The following DOP1A variants were observed in gnomAD, a reference collection of about 807,000 sequenced individuals.
The protein encoded by DOP1A is protein DOP1A.
In DOP1A, 90 loss-of-function variants were observed where a neutral mutation model predicts 267.6. The ratio of observed to expected loss-of-function variants is 0.34; its 90% CI spans 0.28 to 0.40. The LOEUF (loss-of-function observed/expected upper bound fraction) is 0.40. Among genes scored for constraint, DOP1A ranks in the 10% least tolerant of loss-of-function variants. The pLI, the probability that DOP1A is intolerant of heterozygous loss-of-function variation, is 1.00. For synonymous variants in DOP1A, 932 were observed against 999.1 expected (o/e 0.93, Z 1.27); for missense variants, 2,437 against 2,900.4 (o/e 0.84, Z 3.67).
intron 3 of DOP1A, among the ~76,000 whole-genome samples, chr6:83,098,551 T>C (rs766374920): frequency 1.3e-5 from 2 of 152,184 alleles, no homozygotes; most frequent in South Asian, 2.1e-4. Flanking sequence ...CACAATCCTT[T>C]CTTTAGCTTT....
Position 83,124,791 on chromosome 6 carries a change from T to G in DOP1A, c.1427T>G (p.Val476Gly). The G allele has an allele frequency of 6.2e-7, 1 of 1,613,148 alleles. No homozygotes were observed. Among genetic ancestry groups the G allele is most frequent in the South Asian group, 1.1e-5 (1 of 90,918 alleles). Residue 476 changes from valine to glycine, a missense_variant, in exon 13 of 39, where the codon GTG becomes GGG. Physicochemically the swap from Val to Gly is moderately radical, Grantham distance 109 (BLOSUM62 -3). Coordinates refer to ENST00000349129, the MANE Select transcript of DOP1A (RefSeq NM_015018.4). ...ELQLTNFCLL[V>G]DFLLDIVSLP... ...CAGCTGACCAATTTCTGCTTACTGG[T>G]GGATTTTTTGTTGGACATAGTTTCT...
At position 83,147,277 on chromosome 6, in the gene DOP1A, T is replaced by A. The variant is rs1204329218; in HGVS notation, c.5718T>A (p.Tyr1906Ter). The change falls in exon 26 of 39, where the codon TAT becomes TAA. Residue 1906 changes from tyrosine to a stop codon, truncating the protein, a stop_gained. Coordinates refer to ENST00000349129, the MANE Select transcript of DOP1A (RefSeq NM_015018.4). LOFTEE classifies it high-confidence loss of function. ...AAGTCTGCATGCTTCAGTTTTTCTA[T>A]GCTTATATTCAAAGGTAAGATTACT... is the stretch of plus-strand genomic sequence containing the variant. ...SLEVCMLQFF[Y>*]AYIQRIPVPN... 1 of 1,502,044 alleles carries A rather than the reference T, an allele frequency of 6.7e-7. No individual in the cohort carries two copies. The highest frequency in any genetic ancestry group is 2.3e-5 in the East Asian group (1 of 43,646). The allele number at this position is 1,502,044 out of a possible 1,614,324, so 93.0% of individuals were successfully genotyped here. A position where few individuals can be genotyped will look rare whatever the true frequency, so the allele number is the denominator to read the frequency against.
chr6:83,154,265 C>G, intron 33 of DOP1A, 24 bp downstream of exon 33: 1 of 1,600,140 alleles, frequency 6.2e-7, no homozygotes, highest in Non-Finnish European at 8.6e-7. Flanking sequence ...GATGACAATC[C>G]AAGTTCTTTC....
chr6:83,145,489 A>G, intron 24 of DOP1A, 35 bp from the exon 25 acceptor site: 1 of 1,501,358 alleles, frequency 6.7e-7, no homozygotes, highest in South Asian at 1.3e-5. Context: ...AGACTTATAT[A>G]CATACATACA....
At chr6:83,116,256 A>G (rs1273866232) in intron 7 of DOP1A, among the ~76,000 whole-genome samples, 2 of 152,180 alleles carry the variant, frequency 1.3e-5, no homozygotes, top group African/African-American at 4.8e-5. Context: ...TTCATATTCT[A>G]TTCCACTAAA....
In DOP1A at chr6:83,153,576, T is replaced by C; in HGVS notation, c.6195T>C (p.Leu2065=). Residue 2065 remains leucine, a synonymous_variant, in exon 31 of 39, where the codon CTT becomes CTC. Transcript: ENST00000349129. The part of the protein sequence containing the change: ...SDEKERVIPL[L]VNIMHYVVPY... ...AAAAGGAGCGGGTTATTCCTTTACTTGTAAATATTATGCATTATGTTGTGC... is the reference window on the plus strand; with the variant it reads ...AAAAGGAGCGGGTTATTCCTTTACTCGTAAATATTATGCATTATGTTGTGC... The C allele has an allele frequency of 1.9e-6, 3 of 1,610,136 alleles. No homozygotes were observed. The highest frequency in any genetic ancestry group is 2.5e-6 in the Non-Finnish European group (3 of 1,178,384).
intron 1 of DOP1A, among the ~76,000 whole-genome samples, chr6:83,092,556 T>TCCCCCCCCCCCC (rs66482434): frequency 4.4e-5 from 3 of 67,850 alleles, no homozygotes; most frequent in Non-Finnish European, 5.7e-5. Context: ...GTAGTGTCCC[T>TCCCCCCCCCCCC]CCCCCCCCCC....
intron 38 of DOP1A, chr6:83,165,045 C>T (rs1785127714): frequency 4.3e-6 from 1 of 233,360 alleles, no homozygotes; most frequent in Non-Finnish European, 8.3e-6. Context: ...CCCCATAGTT[C>T]TCTTACATTT....
chr6:83,151,914 G>A lies in DOP1A; in HGVS notation c.5936G>A (p.Gly1979Asp), dbSNP rs755004469. The change falls in exon 29 of 39, where the codon GGT (glycine) becomes GAT (aspartate). Residue 1979 changes from glycine (G) to aspartate (D), a missense_variant. By Grantham distance (94) the Gly-to-Asp change is moderately conservative. Transcript: ENST00000349129. ...ACTCACAAAATAGTGGATGCAATTG[G>A]TGCAATTGCTGGTTCTTCTCTGGAA... Reference protein sequence around the residue: ...DVTHKIVDAIGAIAGSSLEQT... With the variant: ...DVTHKIVDAIDAIAGSSLEQT... 3.1e-6 allele frequency: 5 copies of A among 1,613,350 alleles called. No individual in the cohort carries two copies. Among genetic ancestry groups the A allele is most frequent in the Non-Finnish European group, 4.2e-6 (5 of 1,179,516 alleles).
chr6:83,094,521 C>T (rs1771083788), intron 1 of DOP1A, among the ~76,000 whole-genome samples: 7 of 152,216 alleles, frequency 4.6e-5, no homozygotes, highest in Admixed American at 4.6e-4. Context: ...GTTCCTCCAG[C>T]AGTGTATGAG....
rs147299550 is a variant in DOP1A, at chr6:83,141,971, T to C, written c.5466T>C (p.His1822=). 9 of 1,612,756 alleles carry C rather than the reference T, an allele frequency of 5.6e-6. No homozygotes were observed. The highest frequency in any genetic ancestry group is 2.7e-5 in the African/African-American group (2 of 74,866). Residue 1822 remains histidine, a synonymous_variant, in exon 24 of 39, where the codon CAT becomes CAC. Transcript: ENST00000349129. ...LELLGPISMN[H]GVHFMAAIAF... is the part of the protein sequence containing the mutation. ...TGTTGGGCCCCATTTCAATGAATCATGGTGTTCACTTTATGGCTGCCATTG... is the reference window on the plus strand; with the variant it reads ...TGTTGGGCCCCATTTCAATGAATCACGGTGTTCACTTTATGGCTGCCATTG...
Position 83,081,576 on chromosome 6 carries a change from A to G in DOP1A, c.-147+13797A>G, listed in dbSNP as rs367628664. Among the ~76,000 whole-genome samples, 5 of 152,360 alleles carry G rather than the reference A, an allele frequency of 3.3e-5. No individual in the cohort carries two copies. In the East Asian group the frequency reaches 7.7e-4, roughly 23 times the overall value. On this transcript the variant is annotated intron_variant, in intron 1 of 38. Transcript: ENST00000349129. Reference sequence around the variant, plus strand: ...GGGTTATAAAAAAAAATAGGACCTGAAACTATGAAACTACTAGGAGAAACA... The same window carrying G: ...GGGTTATAAAAAAAAATAGGACCTGGAACTATGAAACTACTAGGAGAAACA...
At position 83,071,060 on chromosome 6, in the gene DOP1A, A is replaced by G. The variant is rs1307624306; in HGVS notation, c.-147+3281A>G. On this transcript the variant is annotated intron_variant, in intron 1 of 38. Transcript: ENST00000349129. ...ATCAAAGTCCCCTTAATTTCTAACT[A>G]GAAACTATTGCCTGCAGGAGGCTCT... Among the ~76,000 whole-genome samples, 3 of 152,250 alleles carry G rather than the reference A, an allele frequency of 2.0e-5. No individual in the cohort carries two copies. The South Asian group carries it at 6.2e-4, about 31-fold the overall frequency.
At chr6:83,163,067 T>C in intron 38 of DOP1A, 148 bp downstream of exon 38, 1 of 779,090 alleles carries the variant, frequency 1.3e-6, no homozygotes, top group East Asian at 2.6e-5. Context: ...TTAATGTCCA[T>C]AAGCCTCATA....
At chr6:83,087,980 T>C (rs955628617) in intron 1 of DOP1A, among the ~76,000 whole-genome samples, 3 of 152,160 alleles carry the variant, frequency 2.0e-5, no homozygotes, top group Non-Finnish European at 4.4e-5. Flanking sequence ...CATGCCATTC[T>C]CCTGCCTCAG....
At chr6:83,081,482 T>C (rs2128032324) in intron 1 of DOP1A, among the ~76,000 whole-genome samples, 1 of 152,188 alleles carries the variant, frequency 6.6e-6, no homozygotes. Flanking sequence ...GTAAATCGTG[T>C]TGGGAAAACT....
rs1355188683 is a variant in DOP1A at position 83,141,990 on chromosome 6, G to A, written c.5485G>A (p.Ala1829Thr). The A allele has an allele frequency of 4.3e-6, 7 of 1,612,668 alleles. No homozygotes were observed. The highest frequency in any genetic ancestry group is 5.9e-6 in the Non-Finnish European group (7 of 1,179,526). Residue 1829 changes from alanine to threonine, a missense_variant, in exon 24 of 39, where the codon GCC (alanine) becomes ACC (threonine). Transcript: ENST00000349129. ...SMNHGVHFMA[A>T]IAFVWNERRQ... Reference sequence around the variant, plus strand: ...GAATCATGGTGTTCACTTTATGGCTGCCATTGCATTTGTGTGGAATGAAAG... The same window carrying A: ...GAATCATGGTGTTCACTTTATGGCTACCATTGCATTTGTGTGGAATGAAAG...
intron 1 of DOP1A, among the ~76,000 whole-genome samples, chr6:83,085,655 G>C (rs77008258): frequency 1.9e-3 from 285 of 152,264 alleles, no homozygotes; most frequent in East Asian, 0.018. Flanking sequence ...TGTATTTAGG[G>C]TATAGCTAAG....
chr6:83,084,741 C>A (rs1768768842), intron 1 of DOP1A, among the ~76,000 whole-genome samples: 1 of 151,846 alleles, frequency 6.6e-6, no homozygotes, highest in Non-Finnish European at 1.5e-5. Context: ...CACCACCACA[C>A]CTGGCTAATT....
Sources: gnomAD v4.1 joint callset for allele counts (sites outside exome capture counted in the v4.1 genomes callset) on GRCh38, gnomAD v4.1.1 for gene constraint, MANE v1.5 for transcripts, NCBI Gene and HGNC (gene_info 2026-07-23, HGNC 2026-07-21) for gene names.